The following UFM1 variants were observed in gnomAD, a reference collection of about 807,000 sequenced individuals.
UFM1 encodes ubiquitin-fold modifier 1.
A neutral mutation model predicts 15.4 loss-of-function variants in UFM1; 9 were observed. The observed-to-expected ratio is 0.59, with a 90% CI of 0.35 to 1.02. The LOEUF is 1.02. Ranked by LOEUF, UFM1 falls within the 50% of genes least tolerant of loss-of-function variation. The pLI is 0.02. For synonymous variants in UFM1, 27 were observed against 36.3 expected (o/e 0.74, Z 0.92); for missense variants, 98 against 104.7 (o/e 0.94, Z 0.28).
chr13:38,351,668 T>C (rs1878858001), intron 2 of UFM1, among the ~76,000 whole-genome samples: 1 of 152,210 alleles, frequency 6.6e-6, no homozygotes, highest in African/African-American at 2.4e-5. Context: ...TACTGGATTA[T>C]TCTCATCAAT....
chr13:38,350,105 T>C, intron 2 of UFM1, 50 bp downstream of exon 2: 1 of 1,614,144 alleles, frequency 6.2e-7, no homozygotes, highest in Non-Finnish European at 8.5e-7. Context: ...AAGACGGGGC[T>C]GGGTTGGGGA....
intron 2 of UFM1, among the ~76,000 whole-genome samples, chr13:38,351,578 C>T (rs1185755833): frequency 6.6e-6 from 1 of 152,148 alleles, no homozygotes; most frequent in East Asian, 1.9e-4. Context: ...GCTATAGTTC[C>T]CATCTATTTC....
rs938010191 is a variant in UFM1, at chr13:38,359,349, C to T, written c.190+16C>T. The T allele has an allele frequency of 6.2e-7, 1 of 1,611,112 alleles. No individual in the cohort carries two copies. Among genetic ancestry groups the T allele is most frequent in the African/African-American group, 1.3e-5 (1 of 74,930 alleles). On this transcript the variant is annotated intron_variant, in intron 5 of 5. Coordinates refer to ENST00000239878, the MANE Select transcript of UFM1 (RefSeq NM_016617.4). ...CAGACTGCTGGTGAGTATTTGAAAA[C>T]TCATAGAGGAGTGGGTGGGGTTATA... is the stretch of plus-strand genomic sequence containing the variant.
rs746636859 is a variant in UFM1, at chr13:38,349,994, C to T, written c.3-5C>T. On this transcript the variant is annotated splice_region_variant and splice_polypyrimidine_tract_variant and intron_variant, in intron 1 of 5. Transcript: ENST00000239878. ...ACCCTGACTCTCTCCCGCTCTTTTCCTCAGGTCGAAGGTTTCCTTTAAGAT... is the reference window on the plus strand; with the variant it reads ...ACCCTGACTCTCTCCCGCTCTTTTCTTCAGGTCGAAGGTTTCCTTTAAGAT... 6.2e-7 allele frequency: 1 copy of T among 1,614,092 alleles called. No homozygotes were observed. The highest frequency in any genetic ancestry group is 1.1e-5 in the South Asian group (1 of 91,086).
In UFM1 at chr13:38,350,034, A is replaced by G; in HGVS notation, c.38A>G (p.Asp13Gly). ...KVSFKITLTS[D>G]PRLPYKVLSV... ...TCCTTTAAGATCACGCTGACGTCGG[A>G]CCCACGGCTGCCGTACAAAGTGTGA... is the stretch of plus-strand genomic sequence containing the variant. The change falls in exon 2 of 6, where the codon GAC (aspartate) becomes GGC (glycine). Residue 13 changes from aspartate to glycine, a missense_variant. Physicochemically the swap from Asp to Gly is moderately conservative, Grantham distance 94. Coordinates refer to ENST00000239878, the MANE Select transcript of UFM1 (RefSeq NM_016617.4). The G allele has an allele frequency of 6.2e-7, 1 of 1,614,198 alleles. No individual in the cohort carries two copies. Among genetic ancestry groups the G allele is most frequent in the Non-Finnish European group, 8.5e-7 (1 of 1,180,050 alleles).
In UFM1 at chr13:38,358,130, A is replaced by T. The variant is rs764861564; in HGVS notation, c.155A>T (p.Asn52Ile). 2.1e-6 allele frequency: 3 copies of T among 1,456,412 alleles called. No homozygotes were observed. The South Asian group carries it at 4.4e-5, about 21-fold the overall frequency. 90.2% of individuals were successfully genotyped at this position (1,456,412 alleles called of 1,614,324 possible). ...VPAATSAIIT[N>I]DGIGINPAQT... ...GCTGCAACAAGTGCAATTATTACCA[A>T]TGGTAAGAATTCACTATAAAATTAT... is the stretch of plus-strand genomic sequence containing the variant. The change falls in exon 4 of 6, where the codon AAT becomes ATT. Residue 52 changes from asparagine (N) to isoleucine (I), a missense_variant and splice_region_variant. Transcript: ENST00000239878.
Position 38,350,212 on chromosome 13 carries a change from G to GA in UFM1, c.59+158dup. 1.9e-6 allele frequency: 3 copies of GA among 1,611,502 alleles called. No individual in the cohort carries two copies. In the South Asian group the frequency reaches 3.3e-5, roughly 18 times the overall value. On this transcript the variant is annotated intron_variant, in intron 2 of 5. Coordinates refer to ENST00000239878, the MANE Select transcript of UFM1 (RefSeq NM_016617.4). ...GCCCTTCCAGGAGCCTTTCCCACCG[G>GA]AGCCTGCGAGGAGAGGTCCGTACTT...
intron 2 of UFM1, among the ~76,000 whole-genome samples, chr13:38,352,663 T>C (rs999887460): frequency 2.6e-5 from 4 of 152,362 alleles, no homozygotes; most frequent in Non-Finnish European, 4.4e-5. Flanking sequence ...ACTGTAACTC[T>C]CATTTTTTCT....
chr13:38,357,964 C>G (rs1879186128), intron 3 of UFM1, 129 bp from the exon 4 acceptor site: 1 of 419,262 alleles, frequency 2.4e-6, no homozygotes, highest in African/African-American at 2.1e-5. Flanking sequence ...TTCACTTATT[C>G]TAAAAGATTA....
rs367662121 is a variant in UFM1 at position 38,360,799 on chromosome 13, C to T, written c.*21C>T. 144 of 1,576,338 alleles carry T rather than the reference C, an allele frequency of 9.1e-5. 1 individual carries two copies. Among genetic ancestry groups the T allele is most frequent in the South Asian group, 6.4e-4 (56 of 87,922 alleles). On this transcript the variant is annotated 3_prime_UTR_variant, in exon 6 of 6. Coordinates refer to ENST00000239878, the MANE Select transcript of UFM1 (RefSeq NM_016617.4). The stretch of plus-strand genomic sequence containing the variant: ...GTTAATATCTGCTACTTGGAACATA[C>T]GATTGCCTTTCAGAATAAATATTGG...
At chr13:38,354,324 A>G (rs753573990) in intron 3 of UFM1, 28 bp downstream of exon 3, 1 of 1,596,880 alleles carries the variant, frequency 6.3e-7, no homozygotes, top group Non-Finnish European at 8.6e-7. Context: ...AACAACCTTT[A>G]TGGAATGCGG....
At chr13:38,353,464 G>A (rs992224664) in intron 2 of UFM1, among the ~76,000 whole-genome samples, 9 of 151,664 alleles carry the variant, frequency 5.9e-5, no homozygotes, top group African/African-American at 2.2e-4. Context: ...TTTTCTTAAG[G>A]TATAAAGTAA....
At chr13:38,355,434 C>G (rs899187656) in intron 3 of UFM1, among the ~76,000 whole-genome samples, 1 of 151,932 alleles carries the variant, frequency 6.6e-6, no homozygotes, top group Middle Eastern at 3.2e-3. Context: ...ATATTCTAGT[C>G]TGGGGCATAA....
chr13:38,358,672 T>C (rs1879234865), intron 4 of UFM1, among the ~76,000 whole-genome samples: 1 of 152,038 alleles, frequency 6.6e-6, no homozygotes, highest in Admixed American at 6.6e-5. Flanking sequence ...GGCTTAACTG[T>C]GTTTCAAGTA....
intron 2 of UFM1, 21 bp from the exon 3 acceptor site, chr13:38,354,216 CTG>C: frequency 1.2e-6 from 2 of 1,603,144 alleles, no homozygotes; most frequent in South Asian, 1.1e-5. Flanking sequence ...TTAAAAGAAA[CTG>C]TTTTAAAATT....
At chr13:38,354,103 G>A (rs553495927) in intron 2 of UFM1, 136 bp from the exon 3 acceptor site, 1 of 637,248 alleles carries the variant, frequency 1.6e-6, no homozygotes, top group Admixed American at 2.6e-5. Context: ...AATGTAGTAT[G>A]CAATCAAAAT....
In UFM1 at chr13:38,361,441, A is replaced by G. The variant is rs1258074149; in HGVS notation, c.*663A>G. ...GGACCTATAGAATCCAGTACTTTTA[A>G]TGGTGGGAATTTACAGTAGAAGCAT... On this transcript the variant is annotated 3_prime_UTR_variant, in exon 6 of 6. Coordinates refer to ENST00000239878, the MANE Select transcript of UFM1 (RefSeq NM_016617.4). The G allele has an allele frequency of 2.0e-5, 3 of 152,144 alleles. No individual in the cohort carries two copies. Among genetic ancestry groups the G allele is most frequent in the African/African-American group, 7.2e-5 (3 of 41,444 alleles). The allele number at this position is 152,144 out of a possible 1,614,324, so 9.4% of individuals were successfully genotyped here.
chr13:38,354,200 G>T (rs898132448), intron 2 of UFM1, 39 bp from the exon 3 acceptor site: 2 of 1,589,716 alleles, frequency 1.3e-6, no homozygotes, highest in Non-Finnish European at 1.7e-6. Context: ...TTAGAAAATG[G>T]TGACTTTAAA....
intron 5 of UFM1, 140 bp downstream of exon 5, chr13:38,359,473 C>T: frequency 1.2e-6 from 1 of 815,378 alleles, no homozygotes; most frequent in South Asian, 1.8e-5. Context: ...CCAGTCTTTA[C>T]CTGTGTGTCT....
Sources: gnomAD v4.1 joint callset for allele counts (sites outside exome capture counted in the v4.1 genomes callset) on GRCh38, gnomAD v4.1.1 for gene constraint, MANE v1.5 for transcripts, NCBI Gene and HGNC (gene_info 2026-07-23, HGNC 2026-07-21) for gene names.